Variants in GRM8 observed in about 807,000 individuals in gnomAD.
GRM8 encodes metabotropic glutamate receptor 8.
GRM8 carries 47 observed loss-of-function variants against 87.2 expected under a neutral mutation model. The ratio of observed to expected loss-of-function variants is 0.54; its 90% confidence interval spans 0.43 to 0.69. GRM8 has a LOEUF of 0.69. GRM8 is among the 30% of genes least tolerant of loss of function. GRM8 has a pLI of 0.00. For synonymous variants in GRM8, 396 were observed against 404.5 expected (o/e 0.98, Z 0.25); for missense variants, 1,019 against 1,139.2 (o/e 0.89, Z 1.52).
At chr7:126,746,818 G>A (rs1275456730) in intron 7 of GRM8, among the ~76,000 whole-genome samples, 1 of 151,562 alleles carries the variant, frequency 6.6e-6, no homozygotes, top group East Asian at 1.9e-4. Flanking sequence ...AGCGCGAAAT[G>A]TCTTGATAAC....
At chr7:126,520,841 T>C (rs1412274655) in intron 9 of GRM8, among the ~76,000 whole-genome samples, 1 of 152,186 alleles carries the variant, frequency 6.6e-6, no homozygotes, top group Non-Finnish European at 1.5e-5. Context: ...CCATCTTCTA[T>C]ACATATTCTT....
At chr7:127,034,077 G>T (rs1175906909) in intron 3 of GRM8, among the ~76,000 whole-genome samples, 1 of 152,184 alleles carries the variant, frequency 6.6e-6, no homozygotes, top group East Asian at 1.9e-4. Flanking sequence ...GGAAGGAAAT[G>T]CAAGACAAAC....
At chr7:126,914,593 AAAG>A (rs1368432040) in intron 3 of GRM8, among the ~76,000 whole-genome samples, 2 of 152,248 alleles carry the variant, frequency 1.3e-5, no homozygotes, top group African/African-American at 4.8e-5. Flanking sequence ...CAGCCATAAA[AAAG>A]AATGAAATCT....
chr7:126,473,036 C>T lies in GRM8; in HGVS notation c.2431-26664G>A, dbSNP rs12668562. On this transcript the variant is annotated intron_variant, in intron 9 of 10. Transcript: ENST00000339582. ...GCAGAGGTGTGCTGCAGGGATGGAG[C>T]CCTCCTAGAGAACCTCTGCTAAGGC... Among the ~76,000 whole-genome samples the T allele has an allele frequency of 4.0e-4, 61 of 152,242 alleles. No individual in the cohort carries two copies. In the East Asian group the frequency reaches 0.011, roughly 28 times the overall value.
intron 2 of GRM8, among the ~76,000 whole-genome samples, chr7:127,223,381 AG>A (rs1797064983): frequency 6.6e-6 from 1 of 151,932 alleles, no homozygotes; most frequent in Non-Finnish European, 1.5e-5. Flanking sequence ...TTTAGATTGA[AG>A]AAAAAAATGA....
intron 8 of GRM8, among the ~76,000 whole-genome samples, chr7:126,558,864 A>G (rs1476450950): frequency 6.6e-6 from 1 of 152,192 alleles, no homozygotes; most frequent in Non-Finnish European, 1.5e-5. Flanking sequence ...TCAGGAAAAC[A>G]AAGATACATT....
chr7:127,212,023 T>C (rs1216107808), intron 2 of GRM8, among the ~76,000 whole-genome samples: 2 of 152,178 alleles, frequency 1.3e-5, no homozygotes, highest in African/African-American at 4.8e-5. Context: ...GGAATAAGAA[T>C]TGTTCCATTA....
chr7:127,241,903 A>G (rs1587361052), intron 2 of GRM8, among the ~76,000 whole-genome samples: 1 of 152,350 alleles, frequency 6.6e-6, no homozygotes, highest in East Asian at 1.9e-4. Flanking sequence ...GAGAAAGTTA[A>G]TGAAAATGGT....
chr7:126,555,158 T>C (rs918352084), intron 8 of GRM8, among the ~76,000 whole-genome samples: 8 of 152,246 alleles, frequency 5.3e-5, no homozygotes, highest in Admixed American at 2.6e-4. Context: ...ATTTATCTTT[T>C]TGATAGATTC....
intron 3 of GRM8, chr7:127,080,852 C>A (rs1228610796): frequency 6.6e-6 from 1 of 152,164 alleles, no homozygotes; most frequent in Non-Finnish European, 1.5e-5. Flanking sequence ...GGGACACAAC[C>A]AGCCAACACA....
At chr7:126,880,769 C>G (rs1159373319) in intron 6 of GRM8, among the ~76,000 whole-genome samples, 1 of 152,174 alleles carries the variant, frequency 6.6e-6, no homozygotes, top group Non-Finnish European at 1.5e-5. Context: ...ATTTTAAAAG[C>G]CTTTTAACTG....
chr7:126,829,858 G>C (rs1204304171), intron 6 of GRM8, among the ~76,000 whole-genome samples: 1 of 152,126 alleles, frequency 6.6e-6, no homozygotes, highest in Non-Finnish European at 1.5e-5. Flanking sequence ...GCCTTTCCAT[G>C]TTTACTGCTT....
intron 7 of GRM8, among the ~76,000 whole-genome samples, chr7:126,611,206 T>G (rs1425009383): frequency 1.3e-5 from 2 of 152,186 alleles, no homozygotes; most frequent in Non-Finnish European, 2.9e-5. Context: ...TATATGGAAG[T>G]AGAACCTATT....
intron 6 of GRM8, among the ~76,000 whole-genome samples, chr7:126,840,815 C>T (rs1272036348): frequency 2.0e-5 from 3 of 152,134 alleles, no homozygotes; most frequent in Non-Finnish European, 4.4e-5. Flanking sequence ...AAATTATACA[C>T]CAATTTCATG....
chr7:126,774,193 G>C (rs955768438), intron 6 of GRM8, among the ~76,000 whole-genome samples: 4 of 152,086 alleles, frequency 2.6e-5, no homozygotes, highest in Non-Finnish European at 5.9e-5. Flanking sequence ...AGGCTGTTTA[G>C]ACAATGTATT....
chr7:126,616,226 C>CA lies in GRM8; in HGVS notation c.1358-6729dup, dbSNP rs1250953877. On this transcript the variant is annotated intron_variant, in intron 7 of 10. Transcript: ENST00000339582. Reference sequence around the variant, plus strand: ...ACAACTCAGGATTAAGAATCTCACTCAAAACTGCTCAACTACATGGAAACT... The same window carrying CA: ...ACAACTCAGGATTAAGAATCTCACTCAAAAACTGCTCAACTACATGGAAACT... Among the ~76,000 whole-genome samples the CA allele has an allele frequency of 2.1e-4, 32 of 152,196 alleles. 1 individual carries two copies. The highest frequency in any genetic ancestry group is 7.5e-4 in the African/African-American group (31 of 41,436).
At chr7:126,837,406 C>T (rs1795903849) in intron 6 of GRM8, among the ~76,000 whole-genome samples, 1 of 152,202 alleles carries the variant, frequency 6.6e-6, no homozygotes, top group African/African-American at 2.4e-5. Context: ...GTACATGCCA[C>T]TTTATATGCA....
rs140736824 is a variant in GRM8 at position 126,940,727 on chromosome 7, C to T, written c.728-36044G>A. On this transcript the variant is annotated intron_variant, in intron 3 of 10. Coordinates refer to ENST00000339582, the MANE Select transcript of GRM8 (RefSeq NM_000845.3). The stretch of plus-strand genomic sequence containing the variant: ...CCTGGTTATGCTATAATATCCCTTG[C>T]TGTCTTCTATGATTGTCATTTGGGG... Among the ~76,000 whole-genome samples, 525 of 152,258 alleles carry T rather than the reference C, an allele frequency of 3.4e-3. 2 individuals carry two copies. The highest frequency in any genetic ancestry group is 0.012 in the African/African-American group (496 of 41,542).
intron 9 of GRM8, among the ~76,000 whole-genome samples, chr7:126,515,677 G>T (rs1050996998): frequency 6.6e-6 from 1 of 151,916 alleles, no homozygotes; most frequent in Non-Finnish European, 1.5e-5. Context: ...GCATTCCTTG[G>T]CTCATGGCCC....
Sources: gnomAD v4.1 joint callset for allele counts (sites outside exome capture counted in the v4.1 genomes callset) on GRCh38, gnomAD v4.1.1 for gene constraint, MANE v1.5 for transcripts, NCBI Gene and HGNC (gene_info 2026-07-23, HGNC 2026-07-21) for gene names.